The following MMP15 variants were observed in gnomAD, a reference collection of about 807,000 sequenced individuals.
MMP15 encodes the protein matrix metalloproteinase-15.
Under a neutral mutation model 65.0 loss-of-function variants are expected in MMP15, and 36 were observed. That is an observed-to-expected ratio of 0.55 (90% CI 0.42 to 0.73). MMP15 has a LOEUF of 0.73. Among genes scored for constraint, MMP15 ranks in the 30% least tolerant of loss-of-function variants. The pLI, the probability that MMP15 is intolerant of heterozygous loss-of-function variation, is 0.00. For missense variants in MMP15, 870 were observed against 987.8 expected, an observed-to-expected ratio of 0.88 and a Z score of 1.60; for synonymous variants, 428 against 410.2, an observed-to-expected ratio of 1.04 and a Z score of -0.52.
rs369989245 is a variant in MMP15 at position 58,041,695 on chromosome 16, G to T, written c.989G>T (p.Arg330Leu). 6.3e-7 allele frequency: 1 copy of T among 1,577,286 alleles called. No homozygotes were observed. The highest frequency in any genetic ancestry group is 8.6e-7 in the Non-Finnish European group (1 of 1,161,868). Residue 330 changes from arginine (R) to leucine (L), a missense_variant, in exon 6 of 10, where the codon CGG (arginine) becomes CTG (leucine). By Grantham distance (102) the Arg-to-Leu change is moderately radical. Coordinates refer to ENST00000219271, the MANE Select transcript of MMP15 (RefSeq NM_002428.4). The stretch of plus-strand genomic sequence containing the variant: ...CGGCGGCCAGGCCGGCCTGACCACC[G>T]GCCGCCCCGGCCTCCCCAGCCACCA... ...TPRRPGRPDHRPPRPPQPPPP... is the reference protein window; with the variant it reads ...TPRRPGRPDHLPPRPPQPPPP...
At position 58,043,603 on chromosome 16, in the gene MMP15, G is replaced by C; in HGVS notation, c.1546G>C (p.Gly516Arg). ...GCAGGGGATCCCTGCCTCCCCTAAAGGGGCCTTCCTGAGCAATGACGCAGG... is the reference window on the plus strand; with the variant it reads ...GCAGGGGATCCCTGCCTCCCCTAAACGGGCCTTCCTGAGCAATGACGCAGG... ...VWQGIPASPKGAFLSNDAAYT... is the reference protein window; with the variant it reads ...VWQGIPASPKRAFLSNDAAYT... Residue 516 changes from glycine to arginine, a missense_variant, in exon 9 of 10, where the codon GGG (glycine) becomes CGG (arginine). Physicochemically the swap from Gly to Arg is moderately radical, Grantham distance 125 (BLOSUM62 -2). Coordinates refer to ENST00000219271, the MANE Select transcript of MMP15 (RefSeq NM_002428.4). The C allele has an allele frequency of 1.9e-6, 3 of 1,612,396 alleles. No homozygotes were observed. The highest frequency in any genetic ancestry group is 2.5e-6 in the Non-Finnish European group (3 of 1,179,428).
intron 1 of MMP15, among the ~76,000 whole-genome samples, chr16:58,030,600 G>A (rs1049515343): frequency 6.6e-6 from 1 of 152,148 alleles, no homozygotes; most frequent in Non-Finnish European, 1.5e-5. Context: ...GGTGATGCAG[G>A]CCAAGGTCTA....
At position 58,036,367 on chromosome 16, in the gene MMP15, G is replaced by T. The variant is rs528539789; in HGVS notation, c.163-1105G>T. On this transcript the variant is annotated intron_variant, in intron 1 of 9. Coordinates refer to ENST00000219271, the MANE Select transcript of MMP15 (RefSeq NM_002428.4). ...CTGTGGGGTGTGGGTTCCTTGTTTT[G>T]TAGGTGTGTTGGGTCTCCCAGGGAG... Among the ~76,000 whole-genome samples the T allele has an allele frequency of 2.6e-5, 4 of 152,306 alleles. No homozygotes were observed. The South Asian group carries it at 8.3e-4, about 32-fold the overall frequency.
At chr16:58,041,545 G>A in intron 5 of MMP15, 72 bp from the exon 6 acceptor site, 2 of 1,526,578 alleles carry the variant, frequency 1.3e-6, no homozygotes, top group Non-Finnish European at 1.8e-6. Context: ...GTGGGCCTGT[G>A]CTGGGGGCCC....
Position 58,026,484 on chromosome 16 carries a change from C to A in MMP15, c.134C>A (p.Ala45Glu). The A allele has an allele frequency of 2.9e-6, 4 of 1,388,060 alleles. No homozygotes were observed. Among genetic ancestry groups the A allele is most frequent in the Admixed American group, 6.9e-5 (2 of 28,794 alleles). 86.0% of individuals were successfully genotyped at this position (1,388,060 alleles called of 1,614,324 possible). A position where few individuals can be genotyped will look rare whatever the true frequency, so the allele number is the denominator to read the frequency against. Residue 45 changes from alanine to glutamate, a missense_variant, in exon 1 of 10, where the codon GCG becomes GAG. By Grantham distance (107) the Ala-to-Glu change is moderately radical (BLOSUM62 -1). Coordinates refer to ENST00000219271, the MANE Select transcript of MMP15 (RefSeq NM_002428.4). ...CTGGGCTGCCTGGGCCTTGGCGTAG[C>A]GGCCGAAGACGCGGAGGTCCATGCC... ...VLLGCLGLGVAAEDAEVHAEN... is the reference protein window; with the variant it reads ...VLLGCLGLGVEAEDAEVHAEN...
In MMP15 at chr16:58,042,493, G is replaced by T. The variant is rs936132076; in HGVS notation, c.1303+124G>T. On this transcript the variant is annotated intron_variant, in intron 7 of 9. Coordinates refer to ENST00000219271, the MANE Select transcript of MMP15 (RefSeq NM_002428.4). ...GTCTGGTCCTGTGCCCCCACTGTGG[G>T]CTCACTCTGGGAGGATGAGGACACA... 1.5e-5 allele frequency: 21 copies of T among 1,356,570 alleles called. No homozygotes were observed. In the Admixed American group the frequency reaches 3.4e-4, roughly 22 times the overall value. 84.0% of individuals were successfully genotyped at this position (1,356,570 alleles called of 1,614,324 possible).
At position 58,045,452 on chromosome 16, in the gene MMP15, C is replaced by G; in HGVS notation, c.*6C>G. The G allele has an allele frequency of 6.6e-7, 1 of 1,510,730 alleles. No individual in the cohort carries two copies. The highest frequency in any genetic ancestry group is 8.9e-7 in the Non-Finnish European group (1 of 1,128,204). The allele number at this position is 1,510,730 out of a possible 1,614,324, so 93.6% of individuals were successfully genotyped here. On this transcript the variant is annotated 3_prime_UTR_variant, in exon 10 of 10. Coordinates refer to ENST00000219271, the MANE Select transcript of MMP15 (RefSeq NM_002428.4). Reference sequence around the variant, plus strand: ...CGCTGCAGGAGTGGGTCTGACCACCCAGCGCTCCTGCTAACGGTGCTCAGG... The same window carrying G: ...CGCTGCAGGAGTGGGTCTGACCACCGAGCGCTCCTGCTAACGGTGCTCAGG...
rs1959356303 is a variant in MMP15, at chr16:58,037,517, A to G, written c.208A>G (p.Met70Val). 1 of 1,613,978 alleles carries G rather than the reference A, an allele frequency of 6.2e-7. No homozygotes were observed. Among genetic ancestry groups the G allele is most frequent in the African/African-American group, 1.3e-5 (1 of 74,916 alleles). The change falls in exon 2 of 10, where the codon ATG becomes GTG. Residue 70 changes from methionine (M) to valine (V), a missense_variant. Met to Val is a conservative substitution (Grantham distance 21). Coordinates refer to ENST00000219271, the MANE Select transcript of MMP15 (RefSeq NM_002428.4). ...YGYLPQPSRHMSTMRSAQILA... is the reference protein window; with the variant it reads ...YGYLPQPSRHVSTMRSAQILA... The stretch of plus-strand genomic sequence containing the variant: ...CTACCTGCCTCAGCCCAGCCGCCAT[A>G]TGTCCACCATGCGTTCCGCCCAGAT...
intron 1 of MMP15, 90 bp from the exon 2 acceptor site, chr16:58,037,382 T>G (rs1338517244): frequency 6.6e-7 from 1 of 1,509,178 alleles, no homozygotes; most frequent in Admixed American, 1.8e-5. Flanking sequence ...GCAGCGGTGG[T>G]GGAGGTGGTG....
At chr16:58,038,141 C>G in intron 2 of MMP15, 125 bp from the exon 3 acceptor site, 2 of 1,288,570 alleles carry the variant, frequency 1.6e-6, no homozygotes, top group Non-Finnish European at 2.2e-6. Context: ...CTGAGAGTCC[C>G]CCATCCCCAC....
In MMP15 at chr16:58,045,330, C is replaced by G; in HGVS notation, c.1894C>G (p.Pro632Ala). The G allele has an allele frequency of 6.2e-7, 1 of 1,608,110 alleles. No homozygotes were observed. The highest frequency in any genetic ancestry group is 8.5e-7 in the Non-Finnish European group (1 of 1,178,600). Residue 632 changes from proline to alanine, a missense_variant, in exon 10 of 10, where the codon CCA becomes GCA. Pro to Ala is a conservative substitution (Grantham distance 27). Transcript: ENST00000219271. ...GGTGAACGTGGTGATGGTGCTGGTG[C>G]CACTGCTGCTGCTGCTCTGCGTCCT... ...RTVNVVMVLV[P>A]LLLLLCVLGL... is the part of the protein sequence containing the mutation.
intron 3 of MMP15, among the ~76,000 whole-genome samples, chr16:58,039,050 A>G (rs1161660615): frequency 6.6e-6 from 1 of 152,238 alleles, no homozygotes; most frequent in Non-Finnish European, 1.5e-5. Context: ...CATCAAATGC[A>G]GTCTCTGGCT....
chr16:58,039,784 G>T, intron 3 of MMP15, 91 bp from the exon 4 acceptor site: 1 of 1,309,974 alleles, frequency 7.6e-7, no homozygotes. Context: ...GGGCTTGTTG[G>T]TGACCTTGCG....
intron 1 of MMP15, among the ~76,000 whole-genome samples, chr16:58,029,983 AC>A (rs1351707635): frequency 2.0e-5 from 3 of 151,976 alleles, no homozygotes; most frequent in Non-Finnish European, 4.4e-5. Context: ...TTCCATCATC[AC>A]CTCTGCCCTG....
chr16:58,026,493 A>T lies in MMP15; in HGVS notation c.143A>T (p.Asp48Val). ...CTGGGCCTTGGCGTAGCGGCCGAAG[A>T]CGCGGAGGTCCATGCCGAGGTAAGA... Reference protein sequence around the residue: ...GCLGLGVAAEDAEVHAENWLR... With the variant: ...GCLGLGVAAEVAEVHAENWLR... Residue 48 changes from aspartate (D) to valine (V), a missense_variant, in exon 1 of 10, where the codon GAC becomes GTC. By Grantham distance (152) the Asp-to-Val change is radical (BLOSUM62 -3). Transcript: ENST00000219271. 7.3e-7 allele frequency: 1 copy of T among 1,377,388 alleles called. No homozygotes were observed. The highest frequency in any genetic ancestry group is 9.4e-7 in the Non-Finnish European group (1 of 1,063,662). 85.3% of individuals were successfully genotyped at this position (1,377,388 alleles called of 1,614,324 possible). A position where few individuals can be genotyped will look rare whatever the true frequency, so the allele number is the denominator to read the frequency against.
chr16:58,040,720 G>A, intron 5 of MMP15, 22 bp downstream of exon 5: 2 of 1,613,690 alleles, frequency 1.2e-6, no homozygotes, highest in Admixed American at 1.7e-5. Context: ...GTGACCAGCG[G>A]GCTCTGCATG....
rs1959554142 is a variant in MMP15 at position 58,045,804 on chromosome 16, C to G, written c.*358C>G. On this transcript the variant is annotated 3_prime_UTR_variant, in exon 10 of 10. Transcript: ENST00000219271. ...CTCAGCCTGAACCCCAGGGCTGTAA[C>G]TGCCAGGCTCTCTTTGCCCAGTTGG... The G allele has an allele frequency of 4.1e-6, 1 of 246,888 alleles. No individual in the cohort carries two copies. The highest frequency in any genetic ancestry group is 7.8e-6 in the Non-Finnish European group (1 of 128,932). 15.3% of individuals were successfully genotyped at this position (246,888 alleles called of 1,614,324 possible).
chr16:58,026,320 A>C lies in MMP15; in HGVS notation c.-31A>C. 1 of 1,296,082 alleles carries C rather than the reference A, an allele frequency of 7.7e-7. No individual in the cohort carries two copies. Among genetic ancestry groups the C allele is most frequent in the Admixed American group, 4.2e-5 (1 of 23,796 alleles). 80.3% of individuals were successfully genotyped at this position (1,296,082 alleles called of 1,614,324 possible). ...AGGCGCGTGCGAGGATCCGGCGTGCAGTGTTCCGAGCTGGGCTGGGCGCCG... is the reference window on the plus strand; with the variant it reads ...AGGCGCGTGCGAGGATCCGGCGTGCCGTGTTCCGAGCTGGGCTGGGCGCCG... On this transcript the variant is annotated 5_prime_UTR_variant, in exon 1 of 10. Transcript: ENST00000219271.
Position 58,045,459 on chromosome 16 carries a change from CCTG to C in MMP15, c.*16_*18del, listed in dbSNP as rs901711003. 9.3e-6 allele frequency: 14 copies of C among 1,502,866 alleles called. No individual in the cohort carries two copies. Among genetic ancestry groups the C allele is most frequent in the Non-Finnish European group, 1.2e-5 (14 of 1,124,758 alleles). The allele number at this position is 1,502,866 out of a possible 1,614,324, so 93.1% of individuals were successfully genotyped here. The stretch of plus-strand genomic sequence containing the variant: ...GGAGTGGGTCTGACCACCCAGCGCT[CCTG>C]CTAACGGTGCTCAGGGGGCGCCTGT... On this transcript the variant is annotated 3_prime_UTR_variant, in exon 10 of 10. Coordinates refer to ENST00000219271, the MANE Select transcript of MMP15 (RefSeq NM_002428.4).
Sources: gnomAD v4.1 joint callset for allele counts (sites outside exome capture counted in the v4.1 genomes callset) on GRCh38, gnomAD v4.1.1 for gene constraint, MANE v1.5 for transcripts, NCBI Gene and HGNC (gene_info 2026-07-23, HGNC 2026-07-21) for gene names.